The following MARCHF1 variants were observed in gnomAD, a reference collection of about 807,000 sequenced individuals.
MARCHF1 encodes membrane associated ring-CH-type finger 1.
In MARCHF1, 40 loss-of-function variants were observed where a neutral mutation model predicts 54.2. The ratio of observed to expected loss-of-function variants is 0.74; its 90% CI spans 0.57 to 0.96. The LOEUF (loss-of-function observed/expected upper bound fraction) is 0.96. Ranked by LOEUF, MARCHF1 falls within the 40% of genes least tolerant of loss-of-function variation. The pLI is 0.00. For synonymous variants in MARCHF1, 236 were observed against 236.3 expected (o/e 1.00, Z 0.01); for missense variants, 586 against 656.5 (o/e 0.89, Z 1.17).
chr4:163,716,977 T>A (rs1164075105), intron 4 of MARCHF1, among the ~76,000 whole-genome samples: 2 of 152,178 alleles, frequency 1.3e-5, no homozygotes, highest in South Asian at 2.1e-4. Context: ...AATCTACACA[T>A]ACACATTTAT....
chr4:164,364,937 T>C (rs1046140506), intron 1 of MARCHF1, among the ~76,000 whole-genome samples: 1 of 152,040 alleles, frequency 6.6e-6, no homozygotes, highest in Non-Finnish European at 1.5e-5. Context: ...AATAAAATCA[T>C]TCAGTTAATG....
intron 4 of MARCHF1, among the ~76,000 whole-genome samples, chr4:163,752,328 T>C (rs1401361926): frequency 6.6e-6 from 1 of 152,160 alleles, no homozygotes; most frequent in African/African-American, 2.4e-5. Context: ...AGAAAAGAGT[T>C]CAACTTGGAT....
intron 2 of MARCHF1, among the ~76,000 whole-genome samples, chr4:164,011,950 C>A (rs1454423497): frequency 1.3e-5 from 2 of 152,172 alleles, no homozygotes; most frequent in Non-Finnish European, 2.9e-5. Flanking sequence ...TTGGAACTCA[C>A]TTCTGCCTTG....
intron 1 of MARCHF1, among the ~76,000 whole-genome samples, chr4:164,177,715 T>C (rs571736279): frequency 6.6e-6 from 1 of 152,180 alleles, no homozygotes; most frequent in Non-Finnish European, 1.5e-5. Flanking sequence ...GTTACACCTT[T>C]CATAATTTCA....
chr4:164,248,612 A>G (rs4691963), intron 1 of MARCHF1, among the ~76,000 whole-genome samples: 44,173 of 151,932 alleles, frequency 0.29, 7,347 homozygotes, highest in Admixed American at 0.45. Flanking sequence ...GTTCACAGGA[A>G]TGTTAACAGG....
At chr4:163,611,603 G>A (rs1469910377) in intron 7 of MARCHF1, among the ~76,000 whole-genome samples, 2 of 151,970 alleles carry the variant, frequency 1.3e-5, no homozygotes, top group Non-Finnish European at 2.9e-5. Flanking sequence ...TTTATGTAAG[G>A]TTATTTTGAA....
intron 2 of MARCHF1, among the ~76,000 whole-genome samples, chr4:164,106,558 T>C (rs1316631999): frequency 1.1e-4 from 16 of 142,688 alleles, no homozygotes; most frequent in African/African-American, 2.4e-4. Flanking sequence ...TAGGTGGGAA[T>C]TGAACAATGA....
chr4:163,885,993 A>G (rs189348862), intron 3 of MARCHF1, among the ~76,000 whole-genome samples: 1 of 146,856 alleles, frequency 6.8e-6, no homozygotes, highest in Non-Finnish European at 1.5e-5. Flanking sequence ...ATAAATAGAT[A>G]CTACAGGACA....
chr4:163,911,757 C>T (rs189984139), intron 3 of MARCHF1, among the ~76,000 whole-genome samples: 1 of 152,228 alleles, frequency 6.6e-6, no homozygotes, highest in East Asian at 1.9e-4. Flanking sequence ...GAAAGCTACA[C>T]ACTGATATGC....
At position 163,660,552 on chromosome 4, in the gene MARCHF1, C is replaced by A. The variant is rs564196312; in HGVS notation, c.162+40261G>T. On this transcript the variant is annotated intron_variant, in intron 5 of 9. Coordinates refer to ENST00000514618, the MANE Select transcript of MARCHF1 (RefSeq NM_001394959.1). ...AACCTGCACATTCTGCACATGTATC[C>A]CAGAACTTAAAGTAAAACTTAAAAA... Among the ~76,000 whole-genome samples, 4 of 151,344 alleles carry A rather than the reference C, an allele frequency of 2.6e-5. 1 individual carries two copies. In the South Asian group the frequency reaches 8.3e-4, roughly 32 times the overall value.
chr4:163,999,859 G>T (rs1753152346), intron 2 of MARCHF1, among the ~76,000 whole-genome samples: 1 of 151,542 alleles, frequency 6.6e-6, no homozygotes, highest in African/African-American at 2.4e-5. Context: ...AAACTAACTT[G>T]CCCAAGGTCC....
intron 4 of MARCHF1, among the ~76,000 whole-genome samples, chr4:163,724,650 A>T (rs894337539): frequency 3.3e-5 from 5 of 151,764 alleles, no homozygotes; most frequent in African/African-American, 1.2e-4. Flanking sequence ...GCTGCAGTGG[A>T]CTCCACCCAG....
intron 1 of MARCHF1, among the ~76,000 whole-genome samples, chr4:164,227,203 A>C (rs904057271): frequency 2.0e-5 from 3 of 152,156 alleles, no homozygotes; most frequent in African/African-American, 4.8e-5. Context: ...ACTTACAATC[A>C]TGGTGGAAGA....
intron 3 of MARCHF1, among the ~76,000 whole-genome samples, chr4:163,903,817 T>C (rs556411491): frequency 6.6e-6 from 1 of 152,224 alleles, no homozygotes; most frequent in South Asian, 2.1e-4. Flanking sequence ...TTGCCAAGAT[T>C]GTTGCCCAGG....
Position 163,817,034 on chromosome 4 carries a change from T to C in MARCHF1, c.111+36987A>G, listed in dbSNP as rs114746047. 2.4e-3 allele frequency among the ~76,000 whole-genome samples: 373 copies of C among 152,252 alleles called. 5 individuals carry two copies. The highest frequency in any genetic ancestry group is 8.4e-3 in the African/African-American group (351 of 41,550). On this transcript the variant is annotated intron_variant, in intron 4 of 9. Transcript: ENST00000514618. ...TGTCTCTGCTCTTTCAGATCCCAAT[T>C]TTATTCACCATCTACCATGCTCTGG...
chr4:163,875,274 C>T (rs1214509831), intron 3 of MARCHF1, among the ~76,000 whole-genome samples: 4 of 151,958 alleles, frequency 2.6e-5, no homozygotes, highest in African/African-American at 9.7e-5. Flanking sequence ...AGTTTTGTGA[C>T]CTAAGCAAGT....
chr4:163,987,721 GACA>G (rs1382605964), intron 3 of MARCHF1, among the ~76,000 whole-genome samples: 4 of 152,138 alleles, frequency 2.6e-5, no homozygotes, highest in Non-Finnish European at 4.4e-5. Flanking sequence ...AGGGGAACAC[GACA>G]ACATTTATGA....
intron 7 of MARCHF1, among the ~76,000 whole-genome samples, chr4:163,610,007 G>C (rs909186386): frequency 2.6e-5 from 4 of 151,980 alleles, no homozygotes; most frequent in African/African-American, 9.7e-5. Context: ...ATTCATAAAT[G>C]CAAGTGCCAG....
At chr4:163,973,593 T>C (rs528325413) in intron 3 of MARCHF1, among the ~76,000 whole-genome samples, 15 of 152,266 alleles carry the variant, frequency 9.9e-5, no homozygotes, top group Admixed American at 5.9e-4. Context: ...AGGACTTCAA[T>C]ACAGGGAGAT....
Sources: allele counts gnomAD v4.1 joint callset (sites outside exome capture counted in the v4.1 genomes callset), GRCh38; gene constraint gnomAD v4.1.1; transcripts MANE v1.5; gene names NCBI Gene and HGNC (gene_info 2026-07-23, HGNC 2026-07-21).